Variants in PSMD1 observed in about 807,000 individuals in gnomAD.
The protein encoded by PSMD1 is 26S proteasome non-ATPase regulatory subunit 1.
PSMD1 carries 18 observed loss-of-function variants against 119.0 expected under a neutral mutation model. The observed-to-expected ratio is 0.15, with a 90% CI of 0.10 to 0.22. The LOEUF is 0.22. Ranked by LOEUF, PSMD1 falls within the 10% of genes least tolerant of loss-of-function variation. The pLI is 1.00. For synonymous variants in PSMD1, 374 were observed against 396.6 expected, an observed-to-expected ratio of 0.94 and a Z score of 0.68; for missense variants, 702 against 1,158.5, an observed-to-expected ratio of 0.61 and a Z score of 5.72.
intron 9 of PSMD1, 53 bp from the exon 10 acceptor site, chr2:231,078,606 G>A (rs777768224): frequency 3.0e-6 from 4 of 1,350,168 alleles, no homozygotes; most frequent in Non-Finnish European, 4.2e-6. Flanking sequence ...GTGAGGGTGT[G>A]CATATATGAA....
chr2:231,159,572 T>C (rs1442186895), intron 19 of PSMD1, among the ~76,000 whole-genome samples: 1 of 152,214 alleles, frequency 6.6e-6, no homozygotes, highest in East Asian at 1.9e-4. Context: ...AGCCCACTTA[T>C]TCCTTATTTG....
At chr2:231,123,519 C>A in intron 16 of PSMD1, 1 of 1,614,068 alleles carries the variant, frequency 6.2e-7, no homozygotes, top group Non-Finnish European at 8.5e-7. Context: ...GCAGCTTCTT[C>A]TCCAGTGAAA....
intron 16 of PSMD1, among the ~76,000 whole-genome samples, chr2:231,098,621 T>C (rs937700716): frequency 1.3e-5 from 2 of 151,990 alleles, no homozygotes; most frequent in Non-Finnish European, 2.9e-5. Context: ...CCACTTATGC[T>C]GCTGTTCTCC....
intron 19 of PSMD1, 110 bp downstream of exon 19, chr2:231,153,776 C>T: frequency 5.1e-6 from 4 of 787,508 alleles, no homozygotes; most frequent in Non-Finnish European, 5.9e-6. Context: ...GCAAATTATT[C>T]CTGGAGAAAA....
chr2:231,077,032 A>G lies in PSMD1; in HGVS notation c.943-2A>G. The G allele has an allele frequency of 6.3e-7, 1 of 1,580,600 alleles. No homozygotes were observed. The highest frequency in any genetic ancestry group is 8.5e-7 in the Non-Finnish European group (1 of 1,170,694). On this transcript the variant is annotated splice_acceptor_variant, in intron 8 of 24. Transcript: ENST00000308696. LOFTEE classifies it high-confidence loss of function. Reference sequence around the variant, plus strand: ...TCATTTTTTTTTTGTTTGTTTTGGCAGAGTCCAGAGCCTAAGGACCAGACT... The same window carrying G: ...TCATTTTTTTTTTGTTTGTTTTGGCGGAGTCCAGAGCCTAAGGACCAGACT...
chr2:231,151,182 G>T (rs748328544), intron 18 of PSMD1, among the ~76,000 whole-genome samples: 1 of 151,650 alleles, frequency 6.6e-6, no homozygotes, highest in Admixed American at 6.6e-5. Flanking sequence ...GTTTTTTTTG[G>T]TGGGGGGAGA....
At chr2:231,107,932 A>G (rs1440557112) in intron 16 of PSMD1, among the ~76,000 whole-genome samples, 2 of 152,216 alleles carry the variant, frequency 1.3e-5, no homozygotes, top group African/African-American at 4.8e-5. Flanking sequence ...AGTTCTTGTT[A>G]TTTTGTGTGA....
chr2:231,071,093 G>T (rs1043783484), intron 6 of PSMD1, among the ~76,000 whole-genome samples: 17 of 152,070 alleles, frequency 1.1e-4, no homozygotes, highest in African/African-American at 4.1e-4. Context: ...ATTTAATAGT[G>T]TATTTCCTTT....
intron 17 of PSMD1, among the ~76,000 whole-genome samples, chr2:231,143,514 C>T (rs1383017052): frequency 6.6e-6 from 1 of 152,220 alleles, no homozygotes; most frequent in East Asian, 1.9e-4. Context: ...AGGCGTGAGC[C>T]ACCGTGCCCG....
At chr2:231,108,769 A>G (rs771161041) in intron 16 of PSMD1, 13 of 1,613,992 alleles carry the variant, frequency 8.1e-6, no homozygotes, top group Non-Finnish European at 1.1e-5. Context: ...TGGCCCGGTA[A>G]TTGCAGGTGA....
intron 9 of PSMD1, among the ~76,000 whole-genome samples, chr2:231,078,403 A>G (rs971530357): frequency 1.3e-5 from 2 of 152,210 alleles, no homozygotes; most frequent in Middle Eastern, 3.2e-3. Context: ...AAAGAATAGA[A>G]AATCTGCTGT....
At chr2:231,079,034 A>G (rs900319883) in intron 10 of PSMD1, among the ~76,000 whole-genome samples, 2 of 152,046 alleles carry the variant, frequency 1.3e-5, no homozygotes, top group African/African-American at 4.8e-5. Flanking sequence ...ACTTCAGGTG[A>G]TCTGCCCACC....
chr2:231,080,033 C>T, intron 11 of PSMD1, 108 bp from the exon 12 acceptor site: 3 of 1,010,694 alleles, frequency 3.0e-6, no homozygotes, highest in Non-Finnish European at 4.2e-6. Context: ...ACCTCCTTCT[C>T]TCTTAGCAAG....
intron 16 of PSMD1, among the ~76,000 whole-genome samples, chr2:231,118,649 G>A (rs1358371842): frequency 3.9e-5 from 6 of 152,060 alleles, no homozygotes; most frequent in East Asian, 1.9e-4. Flanking sequence ...TAGAAACCCC[G>A]TATCTTGATG....
intron 5 of PSMD1, among the ~76,000 whole-genome samples, 159 bp downstream of exon 5, chr2:231,067,270 C>T (rs1404022076): frequency 6.6e-6 from 1 of 152,080 alleles, no homozygotes; most frequent in African/African-American, 2.4e-5. Context: ...ATGTATGAAC[C>T]TTGGTTGTGT....
chr2:231,104,690 T>C (rs1435781261), intron 16 of PSMD1, among the ~76,000 whole-genome samples: 2 of 152,188 alleles, frequency 1.3e-5, no homozygotes, highest in African/African-American at 4.8e-5. Flanking sequence ...TAAAGCTAAA[T>C]ACTGAGATTC....
chr2:231,058,949 AC>A (rs574375534), intron 1 of PSMD1, among the ~76,000 whole-genome samples: 218 of 150,136 alleles, frequency 1.5e-3, no homozygotes, highest in Admixed American at 3.2e-3. Context: ...TTGCCTGATC[AC>A]TGTCTCTCTC....
chr2:231,131,735 C>T (rs1695857057), intron 16 of PSMD1, among the ~76,000 whole-genome samples: 1 of 39,694 alleles, frequency 2.5e-5, no homozygotes, highest in African/African-American at 8.1e-4. Flanking sequence ...GCACTCCAGC[C>T]TGGGCGACAG....
At chr2:231,161,061 A>C (rs1559254259) in intron 19 of PSMD1, among the ~76,000 whole-genome samples, 2 of 151,990 alleles carry the variant, frequency 1.3e-5, no homozygotes, top group South Asian at 2.1e-4. Flanking sequence ...AAAATTTAAA[A>C]ATCAGCCAGG....
Sources: gnomAD v4.1 joint callset for allele counts (sites outside exome capture counted in the v4.1 genomes callset) on GRCh38, gnomAD v4.1.1 for gene constraint, MANE v1.5 for transcripts, NCBI Gene and HGNC (gene_info 2026-07-23, HGNC 2026-07-21) for gene names.